The following KYNU variants were observed in gnomAD, a reference collection of about 807,000 sequenced individuals.
KYNU encodes L-kynurenine hydrolase.
KYNU carries 54 observed loss-of-function variants against 59.2 expected under a neutral mutation model. The observed-to-expected ratio is 0.91, with a 90% CI of 0.73 to 1.14. The LOEUF is 1.14. Ranked by LOEUF, KYNU falls within the 50% of genes most tolerant of loss-of-function variation. The pLI, the probability that KYNU is intolerant of heterozygous loss-of-function variation, is 0.00. For synonymous variants in KYNU, 177 were observed against 192.0 expected (o/e 0.92, Z 0.65); for missense variants, 567 against 554.4 (o/e 1.02, Z -0.23).
intron 10 of KYNU, among the ~76,000 whole-genome samples, chr2:143,018,746 A>G (rs352928): frequency 0.24 from 36,331 of 152,088 alleles, 5,316 homozygotes; most frequent in African/African-American, 0.41. Context: ...AGTCATTTTA[A>G]CAATATTGAT....
intron 10 of KYNU, among the ~76,000 whole-genome samples, chr2:143,010,896 T>C (rs1373966927): frequency 1.4e-5 from 2 of 145,214 alleles, no homozygotes; most frequent in Non-Finnish European, 3.0e-5. Context: ...CCTTACACCT[T>C]ATACAAAAAT....
intron 1 of KYNU, among the ~76,000 whole-genome samples, chr2:142,884,838 C>G (rs952897849): frequency 2.7e-5 from 4 of 150,306 alleles, no homozygotes; most frequent in African/African-American, 9.7e-5. Flanking sequence ...TCCCTAGTAG[C>G]TGGGATTACA....
chr2:142,910,080 G>A (rs1186211652), intron 2 of KYNU, among the ~76,000 whole-genome samples: 1 of 148,022 alleles, frequency 6.8e-6, no homozygotes, highest in Non-Finnish European at 1.5e-5. Context: ...TCATATATTT[G>A]TTGGCTGTAT....
chr2:142,958,390 A>C (rs188812481), intron 7 of KYNU, among the ~76,000 whole-genome samples: 1 of 152,342 alleles, frequency 6.6e-6, no homozygotes, highest in East Asian at 1.9e-4. Flanking sequence ...AAAGGCTCAC[A>C]GACTTTGACA....
intron 7 of KYNU, 24 bp downstream of exon 7, chr2:142,957,739 T>C: frequency 7.2e-7 from 1 of 1,388,508 alleles, no homozygotes; most frequent in Non-Finnish European, 1.0e-6. Context: ...AAAGAAATAT[T>C]TGTCATGCTT....
rs894167778 is a variant in KYNU at position 143,045,857 on chromosome 2, T to C, written c.*3685T>C. The C allele has an allele frequency of 6.6e-6, 1 of 152,086 alleles. No homozygotes were observed. The highest frequency in any genetic ancestry group is 2.4e-5 in the African/African-American group (1 of 41,420). The allele number at this position is 152,086 out of a possible 1,614,324, so 9.4% of individuals were successfully genotyped here. On this transcript the variant is annotated 3_prime_UTR_variant, in exon 14 of 14. Transcript: ENST00000264170. ...AAAACATATGTGTTTTCAGTTCTCA[T>C]GGAACAAGCAGCTTAGTAGGAGAAA... is the stretch of plus-strand genomic sequence containing the variant.
intron 4 of KYNU, among the ~76,000 whole-genome samples, chr2:142,954,294 C>G (rs1382879434): frequency 2.0e-5 from 3 of 152,008 alleles, no homozygotes; most frequent in Non-Finnish European, 4.4e-5. Flanking sequence ...CTATTTGGGT[C>G]ATAATTTGCT....
intron 2 of KYNU, among the ~76,000 whole-genome samples, chr2:142,896,814 C>T (rs1482030113): frequency 6.6e-6 from 1 of 152,154 alleles, no homozygotes; most frequent in Non-Finnish European, 1.5e-5. Context: ...TTTCAGCGTA[C>T]AAGTTGTTTG....
intron 2 of KYNU, among the ~76,000 whole-genome samples, chr2:142,899,344 G>T (rs1376760808): frequency 6.6e-6 from 1 of 152,110 alleles, no homozygotes; most frequent in East Asian, 1.9e-4. Flanking sequence ...AGCCTAATTT[G>T]TGTTTCAGTG....
intron 2 of KYNU, among the ~76,000 whole-genome samples, chr2:142,912,703 CTTTTTTTTTTTT>C (rs1163302368): frequency 1.8e-4 from 13 of 71,838 alleles, no homozygotes; most frequent in East Asian, 4.7e-4. Context: ...TTCTTTCTTC[CTTTTTTTTTTTT>C]TTTTTTTTTT....
intron 4 of KYNU, among the ~76,000 whole-genome samples, chr2:142,938,334 T>C (rs924512100): frequency 1.3e-5 from 2 of 152,200 alleles, no homozygotes; most frequent in South Asian, 2.1e-4. Context: ...CAAAGAACGA[T>C]TGACAAATTG....
At chr2:142,926,100 G>T (rs1683038140) in intron 3 of KYNU, among the ~76,000 whole-genome samples, 1 of 152,086 alleles carries the variant, frequency 6.6e-6, no homozygotes, top group South Asian at 2.1e-4. Context: ...TGGAATCAGG[G>T]AGGGGAACAT....
chr2:142,896,099 C>A (rs1681866476), intron 2 of KYNU, among the ~76,000 whole-genome samples: 1 of 152,132 alleles, frequency 6.6e-6, no homozygotes, highest in Non-Finnish European at 1.5e-5. Flanking sequence ...AGGTCATGGG[C>A]TTGATTTGGA....
chr2:142,888,469 A>C (rs1322659173), intron 2 of KYNU, among the ~76,000 whole-genome samples: 2 of 152,122 alleles, frequency 1.3e-5, no homozygotes, highest in Admixed American at 6.5e-5. Flanking sequence ...AAATAACAAT[A>C]ATTATTCTAA....
intron 2 of KYNU, among the ~76,000 whole-genome samples, chr2:142,909,292 T>C (rs1682404620): frequency 6.6e-6 from 1 of 152,176 alleles, no homozygotes; most frequent in Non-Finnish European, 1.5e-5. Flanking sequence ...ACAATGAATA[T>C]ATTAAAGGGA....
intron 8 of KYNU, 48 bp downstream of exon 8, chr2:142,960,818 A>T (rs112983456): frequency 3.2e-6 from 5 of 1,562,970 alleles, no homozygotes; most frequent in Non-Finnish European, 4.4e-6. Context: ...ACATCACTCT[A>T]CTTAAGAGTG....
intron 4 of KYNU, among the ~76,000 whole-genome samples, chr2:142,938,884 G>T (rs1219341499): frequency 6.6e-6 from 1 of 151,940 alleles, no homozygotes; most frequent in African/African-American, 2.4e-5. Flanking sequence ...ACACTGAGAG[G>T]CCAAAGCGAG....
At chr2:142,956,336 T>A (rs1236041847) in intron 6 of KYNU, 62 bp downstream of exon 6, 1 of 1,054,484 alleles carries the variant, frequency 9.5e-7, no homozygotes, top group African/African-American at 1.6e-5. Flanking sequence ...GTGTATCATT[T>A]GCCTGACTTG....
intron 4 of KYNU, among the ~76,000 whole-genome samples, chr2:142,945,681 C>T (rs956432120): frequency 1.3e-5 from 2 of 152,072 alleles, no homozygotes; most frequent in Non-Finnish European, 2.9e-5. Flanking sequence ...TGCAGAGATC[C>T]ATCAGAGGGA....
Sources: gnomAD v4.1 joint callset for allele counts (sites outside exome capture counted in the v4.1 genomes callset) on GRCh38, gnomAD v4.1.1 for gene constraint, MANE v1.5 for transcripts, NCBI Gene and HGNC (gene_info 2026-07-23, HGNC 2026-07-21) for gene names.